The following EIF1AD variants were observed in gnomAD, a reference collection of about 807,000 sequenced individuals.
EIF1AD encodes the protein eukaryotic translation initiation factor 1A domain containing.
In EIF1AD, 9 loss-of-function variants were observed where a neutral mutation model predicts 21.7. The ratio of observed to expected loss-of-function variants is 0.41; its 90% CI spans 0.25 to 0.72. The LOEUF (loss-of-function observed/expected upper bound fraction) is 0.72. Ranked by LOEUF, EIF1AD falls within the 30% of genes least tolerant of loss-of-function variation. EIF1AD has a pLI of 0.29. For missense variants in EIF1AD, 164 were observed against 199.7 expected, an observed-to-expected ratio of 0.82 and a Z score of 1.08; for synonymous variants, 78 against 70.9, an observed-to-expected ratio of 1.10 and a Z score of -0.50.
In EIF1AD at chr11:65,998,645, T is replaced by C. The variant is rs757429450; in HGVS notation, c.452A>G (p.Gln151Arg). ...SDLFVNTNRR[Q>R]YHESEEESEE... ...ACTCTCCTCCTCACTCTCATGATAC[T>C]GTCTGCGGTTTGTGTTAACAAACAG... The change falls in exon 6 of 6, where the codon CAG becomes CGG. Residue 151 changes from glutamine (Q) to arginine (R), a missense_variant. By Grantham distance (43) the Gln-to-Arg change is conservative (BLOSUM62 1). Coordinates refer to ENST00000533544, the MANE Select transcript of EIF1AD (RefSeq NM_001242481.2). 1.2e-6 allele frequency: 2 copies of C among 1,614,196 alleles called. No individual in the cohort carries two copies. The highest frequency in any genetic ancestry group is 1.1e-5 in the South Asian group (1 of 91,084).
chr11:66,000,217 G>T lies in EIF1AD; in HGVS notation c.88-56C>A, dbSNP rs541380914. ...ATCAGTCAGATCAAACACCCTCTCAGACACGCTGCACCCTACCCCCACCCC... is the reference window on the plus strand; with the variant it reads ...ATCAGTCAGATCAAACACCCTCTCATACACGCTGCACCCTACCCCCACCCC... On this transcript the variant is annotated intron_variant, in intron 2 of 5. Coordinates refer to ENST00000533544, the MANE Select transcript of EIF1AD (RefSeq NM_001242481.2). 8 of 1,606,648 alleles carry T rather than the reference G, an allele frequency of 5.0e-6. No homozygotes were observed. In the African/African-American group the frequency reaches 9.3e-5, roughly 19 times the overall value.
Position 65,998,380 on chromosome 11 carries a change from T to A in EIF1AD, c.*219A>T. 1 of 374,010 alleles carries A rather than the reference T, an allele frequency of 2.7e-6. No homozygotes were observed. Among genetic ancestry groups the A allele is most frequent in the Non-Finnish European group, 4.7e-6 (1 of 211,756 alleles). The allele number at this position is 374,010 out of a possible 1,614,324, so 23.2% of individuals were successfully genotyped here. ...TAATAAATAGGGAGCAGTTTTTCAC[T>A]TCATCACAATCTCCCTCCCCCGAGA... is the stretch of plus-strand genomic sequence containing the variant. On this transcript the variant is annotated 3_prime_UTR_variant, in exon 6 of 6. Coordinates refer to ENST00000533544, the MANE Select transcript of EIF1AD (RefSeq NM_001242481.2).
chr11:66,000,490 G>T lies in EIF1AD; in HGVS notation c.-101C>A. The T allele has an allele frequency of 8.3e-7, 1 of 1,199,046 alleles. No homozygotes were observed. The highest frequency in any genetic ancestry group is 1.2e-6 in the Non-Finnish European group (1 of 838,436). The allele number at this position is 1,199,046 out of a possible 1,614,324, so 74.3% of individuals were successfully genotyped here. A position where few individuals can be genotyped will look rare whatever the true frequency, so the allele number is the denominator to read the frequency against. The stretch of plus-strand genomic sequence containing the variant: ...CAGAACCCAGGACTGTTCTGAAGAT[G>T]GGGAGGGGCCTTTTACTGAGGGGTG... On this transcript the variant is annotated 5_prime_UTR_variant, in exon 2 of 6. Transcript: ENST00000533544.
Position 66,000,518 on chromosome 11 carries a change from A to C in EIF1AD, c.-116-13T>G. On this transcript the variant is annotated splice_polypyrimidine_tract_variant and intron_variant, in intron 1 of 5. Transcript: ENST00000533544. ...GAGGGGCCTTTTACTGAGGGGTGACACGGTGTCTTGGTTAAGAACATGGGT... is the reference window on the plus strand; with the variant it reads ...GAGGGGCCTTTTACTGAGGGGTGACCCGGTGTCTTGGTTAAGAACATGGGT... 3 of 834,576 alleles carry C rather than the reference A, an allele frequency of 3.6e-6. No individual in the cohort carries two copies. The South Asian group carries it at 4.6e-5, about 13-fold the overall frequency. The allele number at this position is 834,576 out of a possible 1,614,324, so 51.7% of individuals were successfully genotyped here. A position where few individuals can be genotyped will look rare whatever the true frequency, so the allele number is the denominator to read the frequency against.
intron 1 of EIF1AD, among the ~76,000 whole-genome samples, chr11:66,001,158 G>A (rs187901190): frequency 6.6e-5 from 10 of 152,292 alleles, no homozygotes; most frequent in African/African-American, 2.2e-4. Context: ...AACAGAATGG[G>A]ACAATACAAT....
At position 65,997,232 on chromosome 11, in the gene EIF1AD, C is replaced by G. The variant is rs995193677; in HGVS notation, c.*1367G>C. 6.8e-6 allele frequency: 1 copy of G among 146,666 alleles called. No individual in the cohort carries two copies. The highest frequency in any genetic ancestry group is 1.5e-5 in the Non-Finnish European group (1 of 67,470). The allele number at this position is 146,666 out of a possible 1,614,324, so 9.1% of individuals were successfully genotyped here. A position where few individuals can be genotyped will look rare whatever the true frequency, so the allele number is the denominator to read the frequency against. On this transcript the variant is annotated 3_prime_UTR_variant, in exon 6 of 6. Transcript: ENST00000533544. The stretch of plus-strand genomic sequence containing the variant: ...GTCCAAGCTACTCGGGAGGCTGAGG[C>G]AGGAGAGTTACTTGAACCCAGTAGG...
chr11:65,998,832 G>A (rs562925949), intron 5 of EIF1AD, 89 bp from the exon 6 acceptor site: 16 of 1,478,262 alleles, frequency 1.1e-5, no homozygotes, highest in East Asian at 2.3e-5. Context: ...AGGACCATCC[G>A]GCCCAGCAGT....
chr11:66,000,236 CCA>C (rs1855894179), intron 2 of EIF1AD, 65 bp downstream of exon 2: 1 of 1,609,646 alleles, frequency 6.2e-7, no homozygotes, highest in Non-Finnish European at 8.5e-7. Context: ...CACCCTACCC[CCA>C]CCCCAGGGGC....
At position 66,000,465 on chromosome 11, in the gene EIF1AD, C is replaced by T; in HGVS notation, c.-76G>A. ...TCCTGAGTTCCTTGGATGGCAGGCT[C>T]AGAACCCAGGACTGTTCTGAAGATG... On this transcript the variant is annotated 5_prime_UTR_variant, in exon 2 of 6. Transcript: ENST00000533544. 1 of 1,455,568 alleles carries T rather than the reference C, an allele frequency of 6.9e-7. No individual in the cohort carries two copies. The highest frequency in any genetic ancestry group is 9.4e-7 in the Non-Finnish European group (1 of 1,063,508). The allele number at this position is 1,455,568 out of a possible 1,614,324, so 90.2% of individuals were successfully genotyped here.
chr11:65,998,764 AG>A, intron 5 of EIF1AD, 21 bp from the exon 6 acceptor site: 2 of 1,613,142 alleles, frequency 1.2e-6, no homozygotes, highest in Non-Finnish European at 1.7e-6. Flanking sequence ...GGAAGAGAGC[AG>A]GGTTAGCCCA....
At chr11:66,000,630 T>G in intron 1 of EIF1AD, 125 bp from the exon 2 acceptor site, 4 of 530,864 alleles carry the variant, frequency 7.5e-6, no homozygotes, top group Non-Finnish European at 1.4e-5. Flanking sequence ...AAATAACAGC[T>G]AACTCAGCAC....
At position 66,000,327 on chromosome 11, in the gene EIF1AD, GGGCACTAT is replaced by G; in HGVS notation, c.55_62del (p.Ile19LeufsTer19). 1.1e-5 allele frequency: 17 copies of G among 1,613,538 alleles called. No individual in the cohort carries two copies. Among genetic ancestry groups the G allele is most frequent in the Non-Finnish European group, 1.4e-5 (17 of 1,179,748 alleles). ...CCCTGACAATCTGCTGCTGGTCGGA[GGGCACTAT>G]GTGCTCCCCTAGCACCTCCTTCACC... is the stretch of plus-strand genomic sequence containing the variant. On this transcript the variant is annotated frameshift_variant, in exon 2 of 6. Transcript: ENST00000533544. LOFTEE classifies it high-confidence loss of function.
At chr11:66,000,551 TCTAA>T (rs1855908127) in intron 1 of EIF1AD, 46 bp from the exon 2 acceptor site, 1 of 647,686 alleles carries the variant, frequency 1.5e-6, no homozygotes, top group Non-Finnish European at 2.7e-6. Flanking sequence ...GGTTCTGAAG[TCTAA>T]CTGCCTGGAT....
At chr11:65,999,457 C>T in intron 4 of EIF1AD, 60 bp from the exon 5 acceptor site, 2 of 1,612,538 alleles carry the variant, frequency 1.2e-6, no homozygotes, top group Non-Finnish European at 8.5e-7. Context: ...AAAAGAGCTG[C>T]TTCCAGCTGT....
rs1405373397 is a variant in EIF1AD at position 65,998,726 on chromosome 11, A to T, written c.371T>A (p.Leu124His). 6.2e-7 allele frequency: 1 copy of T among 1,614,046 alleles called. No individual in the cohort carries two copies. The highest frequency in any genetic ancestry group is 1.1e-5 in the South Asian group (1 of 91,072). Residue 124 changes from leucine to histidine, a missense_variant, in exon 6 of 6, where the codon CTC (leucine) becomes CAC (histidine). Transcript: ENST00000533544. ...TCCTGATAACTGTGGCTCAGCTGGGAGTTCTGGTTGAGTTTGTCTGCACGA... is the reference window on the plus strand; with the variant it reads ...TCCTGATAACTGTGGCTCAGCTGGGTGTTCTGGTTGAGTTTGTCTGCACGA... ...NNRNRQTQPE[L>H]PAEPQLSGEE...
rs1161331678 is a variant in EIF1AD at position 65,999,364 on chromosome 11, G to A, written c.339C>T (p.His113=). 2 of 1,614,102 alleles carry A rather than the reference G, an allele frequency of 1.2e-6. No homozygotes were observed. The highest frequency in any genetic ancestry group is 2.7e-5 in the African/African-American group (2 of 74,934). Residue 113 remains histidine (H), a synonymous_variant, in exon 5 of 6, where the codon CAC becomes CAT. Coordinates refer to ENST00000533544, the MANE Select transcript of EIF1AD (RefSeq NM_001242481.2). The part of the protein sequence containing the change: ...PEAFSEVAEK[H]NNRNRQTQPE... ...TTGTTCCTCACCTGTTCCTGTTGTT[G>A]TGTTTCTCAGCCACTTCAGAGAAGG...
rs1452015362 is a variant in EIF1AD, at chr11:65,996,699, G to A, written c.*1900C>T. 1 of 152,122 alleles carries A rather than the reference G, an allele frequency of 6.6e-6. No homozygotes were observed. Among genetic ancestry groups the A allele is most frequent in the African/African-American group, 2.4e-5 (1 of 41,410 alleles). 9.4% of individuals were successfully genotyped at this position (152,122 alleles called of 1,614,324 possible). A position where few individuals can be genotyped will look rare whatever the true frequency, so the allele number is the denominator to read the frequency against. On this transcript the variant is annotated 3_prime_UTR_variant, in exon 6 of 6. Transcript: ENST00000533544. ...CAGACAAATGAAGTGGTAGCTGGAG[G>A]ACGTGGGAATCAGTACAGGTTTTCA... is the stretch of plus-strand genomic sequence containing the variant.
At chr11:66,001,864 TCCTC>T (rs1855986857) in intron 1 of EIF1AD, 42 bp downstream of exon 1, 1 of 152,210 alleles carries the variant, frequency 6.6e-6, no homozygotes, top group African/African-American at 2.4e-5. Flanking sequence ...TCCTCCTTCC[TCCTC>T]CCTGTCTATC....
At position 65,999,414 on chromosome 11, in the gene EIF1AD, G is replaced by C. The variant is rs1243650310; in HGVS notation, c.306-17C>G. The C allele has an allele frequency of 6.2e-7, 1 of 1,614,236 alleles. No homozygotes were observed. Among genetic ancestry groups the C allele is most frequent in the East Asian group, 2.2e-5 (1 of 44,890 alleles). Reference sequence around the variant, plus strand: ...GCCTCAGGCCTATGCCAAGAGATGAGCCAAAGTCAGAAAGGACAAATAAAT... The same window carrying C: ...GCCTCAGGCCTATGCCAAGAGATGACCCAAAGTCAGAAAGGACAAATAAAT... On this transcript the variant is annotated splice_polypyrimidine_tract_variant and intron_variant, in intron 4 of 5. Coordinates refer to ENST00000533544, the MANE Select transcript of EIF1AD (RefSeq NM_001242481.2).
Sources: gnomAD v4.1 joint callset for allele counts (sites outside exome capture counted in the v4.1 genomes callset) on GRCh38, gnomAD v4.1.1 for gene constraint, MANE v1.5 for transcripts, NCBI Gene and HGNC (gene_info 2026-07-23, HGNC 2026-07-21) for gene names.